Variants in TAF3 observed in about 807,000 individuals in gnomAD.
TAF3 encodes the protein transcription initiation factor TFIID subunit 3.
In TAF3, 7 loss-of-function variants were observed where a neutral mutation model predicts 80.6. The observed-to-expected ratio is 0.09, with a 90% confidence interval of 0.05 to 0.16. The LOEUF is 0.16. TAF3 is among the 10% of genes least tolerant of loss of function. The pLI, the probability that TAF3 is intolerant of heterozygous loss-of-function variation, is 1.00. For synonymous variants in TAF3, 444 were observed against 446.1 expected (o/e 1.00, Z 0.06); for missense variants, 921 against 1,140.2 (o/e 0.81, Z 2.77).
At chr10:8,005,566 G>A (rs868613867) in intron 4 of TAF3, among the ~76,000 whole-genome samples, 5 of 152,132 alleles carry the variant, frequency 3.3e-5, no homozygotes, top group East Asian at 1.9e-4. Flanking sequence ...TTTGACATTC[G>A]TCCTCTTCAT....
At chr10:7,911,333 A>G (rs1356991007) in intron 2 of TAF3, among the ~76,000 whole-genome samples, 2 of 152,242 alleles carry the variant, frequency 1.3e-5, no homozygotes, top group Non-Finnish European at 2.9e-5. Context: ...TTAAGAAAAC[A>G]TATTTAGAGT....
At chr10:7,914,195 TA>T (rs1174893651) in intron 2 of TAF3, among the ~76,000 whole-genome samples, 1 of 152,238 alleles carries the variant, frequency 6.6e-6, no homozygotes. Context: ...TACATATTCT[TA>T]AAATACCTTT....
At chr10:7,978,784 A>G (rs1432483951) in intron 4 of TAF3, among the ~76,000 whole-genome samples, 2 of 152,228 alleles carry the variant, frequency 1.3e-5, no homozygotes, top group Admixed American at 6.5e-5. Context: ...TGCAGTTTAT[A>G]TTTATTCCCA....
At chr10:7,863,623 AAAAAT>A (rs1837171598) in intron 2 of TAF3, among the ~76,000 whole-genome samples, 1 of 79,628 alleles carries the variant, frequency 1.3e-5, no homozygotes, top group African/African-American at 4.3e-5. Flanking sequence ...AAAAAAAAAA[AAAAAT>A]ATATATATAT....
At chr10:7,909,356 G>T (rs1176117036) in intron 2 of TAF3, among the ~76,000 whole-genome samples, 1 of 152,152 alleles carries the variant, frequency 6.6e-6, no homozygotes, top group African/African-American at 2.4e-5. Flanking sequence ...AACCACCTAT[G>T]GATAGAACCA....
chr10:7,842,787 T>C (rs758448593), intron 2 of TAF3, among the ~76,000 whole-genome samples: 4 of 152,100 alleles, frequency 2.6e-5, no homozygotes, highest in Admixed American at 1.3e-4. Context: ...ATAATTATTA[T>C]AATCAAATTA....
At chr10:7,822,982 G>C (rs1223481543) in intron 1 of TAF3, among the ~76,000 whole-genome samples, 1 of 152,066 alleles carries the variant, frequency 6.6e-6, no homozygotes, top group Non-Finnish European at 1.5e-5. Flanking sequence ...CATGTTGGTG[G>C]TGCACTGGTA....
At chr10:7,859,455 G>C (rs1384492052) in intron 2 of TAF3, among the ~76,000 whole-genome samples, 1 of 152,102 alleles carries the variant, frequency 6.6e-6, no homozygotes, top group Non-Finnish European at 1.5e-5. Context: ...TTCCAGATTG[G>C]GGGAGAATAG....
In TAF3 at chr10:8,009,158, C is replaced by G; in HGVS notation, c.2396C>G (p.Pro799Arg). Residue 799 changes from proline to arginine, a missense_variant, in exon 5 of 7, where the codon CCC becomes CGC. Around this residue, in one of 6 missense-constraint regions of TAF3, gnomAD observed 743 missense variants for 821.0 expected, o/e 0.90. Coordinates refer to ENST00000344293, the MANE Select transcript of TAF3 (RefSeq NM_031923.4). This position sits in a 1 kb window ranked among gnomAD's most constrained non-coding sequence, Gnocchi z 4.1. Reference sequence around the variant, plus strand: ...AGGCCGAAGACCCCACCGCCGGCCCCCGCGCCCGCCCCCGGCCCCATGCTC... The same window carrying G: ...AGGCCGAAGACCCCACCGCCGGCCCGCGCGCCCGCCCCCGGCCCCATGCTC... ...QNRPKTPPPAPAPAPGPMLVS... is the reference protein window; with the variant it reads ...QNRPKTPPPARAPAPGPMLVS... 2 of 1,561,906 alleles carry G rather than the reference C, an allele frequency of 1.3e-6. No homozygotes were observed. The highest frequency in any genetic ancestry group is 1.7e-6 in the Non-Finnish European group (2 of 1,154,604).
At chr10:7,837,357 A>AAAAAG (rs1836861378) in intron 2 of TAF3, among the ~76,000 whole-genome samples, 2 of 150,220 alleles carry the variant, frequency 1.3e-5, no homozygotes, top group Non-Finnish European at 3.0e-5. Context: ...AAAAAAAAAA[A>AAAAAG]GTCAGCTGGG....
At chr10:7,917,025 G>T (rs1837717644) in intron 2 of TAF3, among the ~76,000 whole-genome samples, 1 of 152,172 alleles carries the variant, frequency 6.6e-6, no homozygotes, top group Non-Finnish European at 1.5e-5. Flanking sequence ...TACTTACTAA[G>T]TTTATTCATT....
rs147290845 is a variant in TAF3 at position 7,844,236 on chromosome 10, TA to T, written c.409+19679del. ...ACTGTAGATTTTCTATTCAGAAATT[TA>T]AATTACTGTCCATTATTGTCCATTT... is the stretch of plus-strand genomic sequence containing the variant. On this transcript the variant is annotated intron_variant, in intron 2 of 6. Coordinates refer to ENST00000344293, the MANE Select transcript of TAF3 (RefSeq NM_031923.4). Among the ~76,000 whole-genome samples the T allele has an allele frequency of 8.5e-3, 1,289 of 152,300 alleles. 18 individuals are homozygous for T. Among genetic ancestry groups the T allele is most frequent in the African/African-American group, 0.029 (1,214 of 41,558 alleles).
intron 4 of TAF3, among the ~76,000 whole-genome samples, chr10:8,003,994 G>A (rs924918518): frequency 7.2e-5 from 11 of 151,964 alleles, no homozygotes; most frequent in East Asian, 1.9e-4. Flanking sequence ...GTTCATTGTC[G>A]TTACTTTTAA....
intron 4 of TAF3, among the ~76,000 whole-genome samples, chr10:7,983,482 A>T (rs1831747123): frequency 6.6e-6 from 1 of 152,178 alleles, no homozygotes; most frequent in African/African-American, 2.4e-5. Context: ...ACATTTCAGA[A>T]CGTCATCCTG....
chr10:7,988,950 G>A (rs942770766), intron 4 of TAF3, among the ~76,000 whole-genome samples: 5 of 151,764 alleles, frequency 3.3e-5, no homozygotes. Flanking sequence ...AATTTTTTCT[G>A]TAAAAAAAAT....
chr10:7,948,471 C>T (rs974529075), intron 2 of TAF3, among the ~76,000 whole-genome samples: 9 of 152,308 alleles, frequency 5.9e-5, no homozygotes, highest in African/African-American at 2.2e-4. Context: ...ATGAACTGTT[C>T]TGCTGCTCTC....
chr10:7,925,118 C>T (rs988064368), intron 2 of TAF3, among the ~76,000 whole-genome samples: 3 of 152,178 alleles, frequency 2.0e-5, no homozygotes, highest in Non-Finnish European at 2.9e-5. Flanking sequence ...GGCAACTTAA[C>T]GAGTTTTCTG....
intron 2 of TAF3, among the ~76,000 whole-genome samples, chr10:7,906,311 G>C (rs1055816501): frequency 6.6e-6 from 1 of 152,096 alleles, no homozygotes; most frequent in African/African-American, 2.4e-5. Flanking sequence ...ATCTGATAAC[G>C]CCCACATTTA....
chr10:7,897,718 G>A (rs1414942997), intron 2 of TAF3, among the ~76,000 whole-genome samples: 2 of 148,622 alleles, frequency 1.3e-5, no homozygotes, highest in Non-Finnish European at 3.0e-5. Flanking sequence ...TGAGTGCAGT[G>A]GTGCAAACAC....
Sources: allele counts gnomAD v4.1 joint callset (sites outside exome capture counted in the v4.1 genomes callset), GRCh38; gene constraint gnomAD v4.1.1; regional missense constraint gnomAD v4.1.1; non-coding constraint Gnocchi (gnomAD v3.1); transcripts MANE v1.5; gene names NCBI Gene and HGNC (gene_info 2026-07-23, HGNC 2026-07-21).